DMXL1: variants seen among roughly 807,000 people sequenced by gnomAD.
DMXL1 encodes the protein Dmx like 1.
A neutral mutation model predicts 319.2 loss-of-function variants in DMXL1; 99 were observed. That is an observed-to-expected ratio of 0.31 (90% CI 0.26 to 0.37). The LOEUF is 0.37. Among genes scored for constraint, DMXL1 ranks in the 10% least tolerant of loss-of-function variants. DMXL1 has a pLI of 1.00. For synonymous variants in DMXL1, 1,385 were observed against 1,235.2 expected (o/e 1.12, Z -2.54); for missense variants, 3,745 against 3,595.6 (o/e 1.04, Z -1.06).
intron 1 of DMXL1, among the ~76,000 whole-genome samples, chr5:119,087,432 C>G (rs902839500): frequency 1.7e-4 from 26 of 152,028 alleles, no homozygotes; most frequent in African/African-American, 5.6e-4. Flanking sequence ...TGTTATTGAT[C>G]CATTGGTCAT....
At chr5:119,184,242 A>T (rs191111030) in intron 28 of DMXL1, among the ~76,000 whole-genome samples, 3 of 151,816 alleles carry the variant, frequency 2.0e-5, no homozygotes, top group Non-Finnish European at 4.4e-5. Flanking sequence ...TTTAAGTTTT[A>T]TTTTTATAGA....
At chr5:119,160,616 A>G (rs1581088664) in intron 19 of DMXL1, among the ~76,000 whole-genome samples, 1 of 152,276 alleles carries the variant, frequency 6.6e-6, no homozygotes, top group African/African-American at 2.4e-5. Flanking sequence ...AGGGTATTGA[A>G]TCCCCCTATT....
At chr5:119,232,049 A>G (rs1397498176) in intron 38 of DMXL1, among the ~76,000 whole-genome samples, 1 of 152,098 alleles carries the variant, frequency 6.6e-6, no homozygotes, top group Non-Finnish European at 1.5e-5. Flanking sequence ...AGCACAATCA[A>G]GGCACACTAC....
chr5:119,103,152 GTCTA>G (rs1003418509), intron 3 of DMXL1, among the ~76,000 whole-genome samples: 1 of 151,544 alleles, frequency 6.6e-6, no homozygotes, highest in Admixed American at 6.6e-5. Context: ...CTATTTCTGG[GTCTA>G]TCTAGCTAGT....
chr5:119,184,059 C>CT lies in DMXL1; in HGVS notation c.7136-5637dup, dbSNP rs1404022848. 3.4e-3 allele frequency among the ~76,000 whole-genome samples: 475 copies of CT among 140,252 alleles called. 3 individuals carry two copies. Among genetic ancestry groups the CT allele is most frequent in the Middle Eastern group, 7.0e-3 (2 of 284 alleles). 92.0% of individuals were successfully genotyped at this position (140,252 alleles called of 152,430 possible). A position where few individuals can be genotyped will look rare whatever the true frequency, so the allele number is the denominator to read the frequency against. ...ACTCCCTCATTCAATGTTTTCTTCT[C>CT]TTTTTTTTTTTTGAGACAGGGTCTT... On this transcript the variant is annotated intron_variant, in intron 28 of 43. Transcript: ENST00000539542.
rs1226093462 is a variant in DMXL1, at chr5:119,150,427, A to G, written c.4594+6A>G. ...AAGCCGAGACAGAAGCCAAGGTAAA[A>G]CTAAACTCCGTACTGATAACATTTT... On this transcript the variant is annotated splice_donor_region_variant and intron_variant, in intron 18 of 43. Coordinates refer to ENST00000539542, the MANE Select transcript of DMXL1 (RefSeq NM_001290321.3). The G allele has an allele frequency of 6.2e-7, 1 of 1,606,198 alleles. No individual in the cohort carries two copies. Among genetic ancestry groups the G allele is most frequent in the South Asian group, 1.1e-5 (1 of 89,926 alleles).
chr5:119,174,783 T>C (rs984554851), intron 25 of DMXL1, among the ~76,000 whole-genome samples: 2 of 133,596 alleles, frequency 1.5e-5, no homozygotes, highest in Non-Finnish European at 3.3e-5. Flanking sequence ...CCTTATATCC[T>C]TTCTCTTTCT....
chr5:119,139,654 T>A (rs1038788301), intron 13 of DMXL1, among the ~76,000 whole-genome samples: 1 of 152,108 alleles, frequency 6.6e-6, no homozygotes, highest in Non-Finnish European at 1.5e-5. Flanking sequence ...CAAAGAGACA[T>A]AGACTCCCAC....
intron 25 of DMXL1, among the ~76,000 whole-genome samples, chr5:119,173,104 C>T (rs925669867): frequency 6.6e-6 from 1 of 152,020 alleles, no homozygotes; most frequent in African/African-American, 2.4e-5. Context: ...TTTGGGAGGT[C>T]GAGGCAGGCA....
chr5:119,231,005 T>G (rs1350357331), intron 38 of DMXL1, among the ~76,000 whole-genome samples: 1 of 152,222 alleles, frequency 6.6e-6, no homozygotes, highest in Non-Finnish European at 1.5e-5. Context: ...TTTTAAGATT[T>G]CTCATTTGTC....
intron 9 of DMXL1, among the ~76,000 whole-genome samples, chr5:119,122,669 C>T (rs1234234018): frequency 3.0e-5 from 4 of 132,524 alleles, no homozygotes; most frequent in Non-Finnish European, 6.5e-5. Flanking sequence ...CAGACGGGGT[C>T]GCTGCCGGGC....
chr5:119,121,904 C>CG (rs1158552827), intron 9 of DMXL1, among the ~76,000 whole-genome samples: 3 of 141,610 alleles, frequency 2.1e-5, no homozygotes, highest in African/African-American at 7.7e-5. Flanking sequence ...GCTGGCCGGG[C>CG]GGGGGGCTGA....
At chr5:119,198,194 G>C (rs1368881539) in intron 32 of DMXL1, among the ~76,000 whole-genome samples, 1 of 152,076 alleles carries the variant, frequency 6.6e-6, no homozygotes, top group Non-Finnish European at 1.5e-5. Flanking sequence ...TCACCATGTT[G>C]GCCAGGCTGG....
At chr5:119,154,695 A>G (rs900075463) in intron 19 of DMXL1, 4 of 154,228 alleles carry the variant, frequency 2.6e-5, no homozygotes, top group African/African-American at 7.2e-5. Context: ...TTGCTTCAGC[A>G]TGTTTTCCAG....
chr5:119,184,597 A>T (rs1777362637), intron 28 of DMXL1, among the ~76,000 whole-genome samples: 1 of 152,208 alleles, frequency 6.6e-6, no homozygotes, highest in Non-Finnish European at 1.5e-5. Context: ...AAATCTCTGT[A>T]ACTTTTTCAT....
chr5:119,071,950 CTTTGTTGAGTAACGAGTTGGGGGCTTT>C, intron 1 of DMXL1, among the ~76,000 whole-genome samples: 1 of 152,228 alleles, frequency 6.6e-6, no homozygotes, highest in Middle Eastern at 3.4e-3. Context: ...GTTCAAAAAT[CTTTGTTGAGTAACGAGTTGGGGGCTTT>C]TTTATACCAT....
At position 119,133,748 on chromosome 5, in the gene DMXL1, G is replaced by C. The variant is rs191186438; in HGVS notation, c.1824G>C (p.Leu608=). The C allele has an allele frequency of 5.4e-4, 869 of 1,614,168 alleles. No individual in the cohort carries two copies. The highest frequency in any genetic ancestry group is 6.7e-4 in the Non-Finnish European group (791 of 1,180,028). The change falls in exon 12 of 44, where the codon CTG becomes CTC. Residue 608 remains leucine (L), a synonymous_variant. Transcript: ENST00000539542. ...TATCAAAACATGCTGATGGTTCTCT[G>C]AATCAGTGGCTGGTCAGTTTTGCCG... is the stretch of plus-strand genomic sequence containing the variant. ...MMISKHADGS[L]NQWLVSFAEE... is the part of the protein sequence containing the mutation.
intron 19 of DMXL1, among the ~76,000 whole-genome samples, chr5:119,152,641 G>T (rs1373053622): frequency 6.6e-6 from 1 of 152,082 alleles, no homozygotes; most frequent in Non-Finnish European, 1.5e-5. Flanking sequence ...CTTATTAAAC[G>T]ATTATTGTAG....
intron 1 of DMXL1, among the ~76,000 whole-genome samples, chr5:119,085,480 G>A (rs866395273): frequency 2.0e-5 from 3 of 152,008 alleles, no homozygotes. Flanking sequence ...AATGGTGTAT[G>A]CTATTCTATA....
Sources: allele counts gnomAD v4.1 joint callset (sites outside exome capture counted in the v4.1 genomes callset), GRCh38; gene constraint gnomAD v4.1.1; transcripts MANE v1.5; gene names NCBI Gene and HGNC (gene_info 2026-07-23, HGNC 2026-07-21).